CPA6: variants seen among roughly 807,000 people sequenced by gnomAD.
The protein encoded by CPA6 is carboxypeptidase B.
In CPA6, 58 loss-of-function variants were observed where a neutral mutation model predicts 63.3. That is an observed-to-expected ratio of 0.92 (90% CI 0.74 to 1.14). CPA6 has a LOEUF of 1.14. CPA6 is among the 50% of genes most tolerant of loss of function. CPA6 has a pLI of 0.00. For synonymous variants in CPA6, 185 were observed against 179.0 expected (o/e 1.03, Z -0.27); for missense variants, 565 against 526.6 (o/e 1.07, Z -0.71).
chr8:67,721,827 G>A (rs981902475), intron 1 of CPA6, among the ~76,000 whole-genome samples: 1 of 152,164 alleles, frequency 6.6e-6, no homozygotes, highest in Admixed American at 6.5e-5. Flanking sequence ...TTGCCATTAT[G>A]TTTAGCCTAA....
chr8:67,483,845 C>T lies in CPA6; in HGVS notation c.761G>A (p.Arg254Lys). 1.2e-6 allele frequency: 2 copies of T among 1,613,868 alleles called. No homozygotes were observed. The highest frequency in any genetic ancestry group is 8.5e-7 in the Non-Finnish European group (1 of 1,179,760). ...CCTTGAGTTCCTTGACCTTGTTTTTCTCCAAAATCGATCCTAGACATAATT... is the reference window on the plus strand; with the variant it reads ...CCTTGAGTTCCTTGACCTTGTTTTTTTCCAAAATCGATCCTAGACATAATT... ...HFSWTNDRFW[R>K]KTRSRNSRFR... Residue 254 changes from arginine to lysine, a missense_variant, in exon 8 of 11, where the codon AGA becomes AAA. Coordinates refer to ENST00000297770, the MANE Select transcript of CPA6 (RefSeq NM_020361.5).
intron 8 of CPA6, among the ~76,000 whole-genome samples, chr8:67,438,012 G>A (rs950481947): frequency 1.1e-4 from 16 of 152,132 alleles, no homozygotes; most frequent in South Asian, 2.1e-4. Flanking sequence ...GCCTCCTTGA[G>A]TTCAAGTGAT....
intron 5 of CPA6, 71 bp from the exon 6 acceptor site, chr8:67,506,959 T>G: frequency 9.1e-7 from 1 of 1,103,888 alleles, no homozygotes; most frequent in Non-Finnish European, 1.4e-6. Context: ...TTTAATAAGG[T>G]TTCAGCATAA....
At chr8:67,694,658 G>T (rs1266054555) in intron 1 of CPA6, among the ~76,000 whole-genome samples, 1 of 152,214 alleles carries the variant, frequency 6.6e-6, no homozygotes, top group Non-Finnish European at 1.5e-5. Flanking sequence ...GGCCTCATGG[G>T]GAGTTCTCTA....
rs144487754 is a variant in CPA6 at position 67,615,139 on chromosome 8, C to G, written c.192+9037G>C. Among the ~76,000 whole-genome samples, 437 of 152,246 alleles carry G rather than the reference C, an allele frequency of 2.9e-3. 3 individuals carry two copies. The highest frequency in any genetic ancestry group is 0.01 in the African/African-American group (420 of 41,542). On this transcript the variant is annotated intron_variant, in intron 2 of 10. Transcript: ENST00000297770. Reference sequence around the variant, plus strand: ...GGGGTCCAGGTTCCACACTTCTCAGCAACATTGACCTCTAAAACCAAGCAA... The same window carrying G: ...GGGGTCCAGGTTCCACACTTCTCAGGAACATTGACCTCTAAAACCAAGCAA...
intron 1 of CPA6, among the ~76,000 whole-genome samples, chr8:67,711,686 TACACACACACACACACACACAC>T (rs5892094): frequency 1.5e-5 from 2 of 133,862 alleles, no homozygotes; most frequent in Admixed American, 7.3e-5. Context: ...TATGCCTGTG[TACACACACACACACACACACAC>T]ACACACACAC....
At chr8:67,524,903 T>G (rs1325605195) in intron 2 of CPA6, among the ~76,000 whole-genome samples, 2 of 152,194 alleles carry the variant, frequency 1.3e-5, no homozygotes, top group African/African-American at 4.8e-5. Flanking sequence ...AACTTACATG[T>G]CCTTAATTTT....
intron 2 of CPA6, among the ~76,000 whole-genome samples, chr8:67,594,256 G>C (rs910050769): frequency 2.0e-5 from 3 of 152,158 alleles, no homozygotes; most frequent in Non-Finnish European, 4.4e-5. Context: ...GAGATCCGCT[G>C]TTAGTCTGAT....
At position 67,422,522 on chromosome 8, in the gene CPA6, C is replaced by G. The variant is rs1366433537; in HGVS notation, c.1296G>C (p.Leu432=). The G allele has an allele frequency of 1.2e-6, 2 of 1,613,862 alleles. No homozygotes were observed. The highest frequency in any genetic ancestry group is 2.2e-5 in the South Asian group (2 of 91,042). ...GGCTGTCTCAGGGACATTTCTTTAG[C>G]AGGTGCATTGTGATATTTTTCACAG... ...MLAVKNITMH[L]LKKCP The change falls in exon 11 of 11, where the codon CTG becomes CTC. Residue 432 remains leucine (L), a synonymous_variant. Transcript: ENST00000297770.
At chr8:67,491,931 G>A (rs1811614961) in intron 6 of CPA6, among the ~76,000 whole-genome samples, 1 of 152,146 alleles carries the variant, frequency 6.6e-6, no homozygotes, top group East Asian at 1.9e-4. Context: ...TTACTACTGT[G>A]CATCTCATAA....
chr8:67,617,515 C>T (rs1210358234), intron 2 of CPA6, among the ~76,000 whole-genome samples: 1 of 152,198 alleles, frequency 6.6e-6, no homozygotes, highest in African/African-American at 2.4e-5. Context: ...CCCAAACATA[C>T]TGACAGGCCA....
chr8:67,672,505 C>A (rs753887486), intron 1 of CPA6, among the ~76,000 whole-genome samples: 2 of 152,132 alleles, frequency 1.3e-5, no homozygotes, highest in Non-Finnish European at 2.9e-5. Context: ...CATCACTCAG[C>A]CAATCCATCA....
intron 1 of CPA6, among the ~76,000 whole-genome samples, chr8:67,677,227 A>ATGAAGACT (rs2128995345): frequency 6.6e-6 from 1 of 152,286 alleles, no homozygotes; most frequent in East Asian, 1.9e-4. Context: ...TTGGAAAGAG[A>ATGAAGACT]TGAAGACTTC....
intron 1 of CPA6, among the ~76,000 whole-genome samples, chr8:67,672,517 C>T (rs1183137022): frequency 6.6e-6 from 1 of 152,138 alleles, no homozygotes; most frequent in Non-Finnish European, 1.5e-5. Context: ...AATCCATCAT[C>T]GAGTCCTTTT....
intron 1 of CPA6, among the ~76,000 whole-genome samples, chr8:67,657,604 C>T (rs964549254): frequency 2.6e-5 from 4 of 152,214 alleles, no homozygotes; most frequent in Admixed American, 6.5e-5. Context: ...CAGCCCAGCT[C>T]TTGCTTCCTG....
chr8:67,448,450 G>A (rs1030391009), intron 8 of CPA6, among the ~76,000 whole-genome samples: 2 of 151,504 alleles, frequency 1.3e-5, no homozygotes, highest in Non-Finnish European at 2.9e-5. Context: ...GGGCAACATG[G>A]TAAAACCAAG....
chr8:67,557,555 G>C (rs1813092340), intron 2 of CPA6, among the ~76,000 whole-genome samples: 1 of 152,120 alleles, frequency 6.6e-6, no homozygotes, highest in Non-Finnish European at 1.5e-5. Context: ...TACAGCTTCA[G>C]AGAGATTAGC....
intron 1 of CPA6, among the ~76,000 whole-genome samples, chr8:67,649,227 A>G (rs1050926148): frequency 5.3e-5 from 8 of 152,200 alleles, no homozygotes; most frequent in African/African-American, 1.9e-4. Context: ...TTTATTTCAA[A>G]TGATATTGGA....
chr8:67,509,653 T>G, intron 4 of CPA6, 35 bp from the exon 5 acceptor site: 1 of 1,066,198 alleles, frequency 9.4e-7, no homozygotes, highest in Non-Finnish European at 1.4e-6. Context: ...TGTTAGACTC[T>G]CTCAAAATAA....
Sources: gnomAD v4.1 joint callset for allele counts (sites outside exome capture counted in the v4.1 genomes callset) on GRCh38, gnomAD v4.1.1 for gene constraint, MANE v1.5 for transcripts, NCBI Gene and HGNC (gene_info 2026-07-23, HGNC 2026-07-21) for gene names.